CAMKMT: variants seen among roughly 807,000 people sequenced by gnomAD.
The protein encoded by CAMKMT is CaM KMT.
Under a neutral mutation model 48.0 loss-of-function variants are expected in CAMKMT, and 53 were observed. The observed-to-expected ratio is 1.10, with a 90% confidence interval of 0.89 to 1.39. The LOEUF (loss-of-function observed/expected upper bound fraction) is 1.39. CAMKMT is among the 40% of genes most tolerant of loss of function. CAMKMT has a pLI of 0.00. For synonymous variants in CAMKMT, 165 were observed against 152.3 expected (o/e 1.08, Z -0.61); for missense variants, 428 against 402.7 (o/e 1.06, Z -0.54).
intron 3 of CAMKMT, among the ~76,000 whole-genome samples, chr2:44,626,093 T>C (rs1358007588): frequency 1.3e-5 from 2 of 152,194 alleles, no homozygotes; most frequent in African/African-American, 4.8e-5. Context: ...ATTGAATTCA[T>C]AGATGAATTT....
intron 3 of CAMKMT, among the ~76,000 whole-genome samples, chr2:44,593,338 T>C (rs1007710175): frequency 2.6e-5 from 4 of 152,228 alleles, no homozygotes; most frequent in African/African-American, 4.8e-5. Flanking sequence ...TTTTCTCAGA[T>C]ACATGTGCTT....
chr2:44,681,024 C>G (rs1675990554), intron 3 of CAMKMT, among the ~76,000 whole-genome samples: 2 of 152,114 alleles, frequency 1.3e-5, no homozygotes. Flanking sequence ...GGAACTGCTC[C>G]AACATGTTAT....
chr2:44,401,659 C>G (rs1261097096), intron 3 of CAMKMT, among the ~76,000 whole-genome samples: 2 of 152,176 alleles, frequency 1.3e-5, no homozygotes, highest in Non-Finnish European at 2.9e-5. Context: ...GCTTGAATAA[C>G]TACATTAAAT....
At chr2:44,453,616 T>C (rs1403350491) in intron 3 of CAMKMT, among the ~76,000 whole-genome samples, 1 of 152,060 alleles carries the variant, frequency 6.6e-6, no homozygotes, top group Non-Finnish European at 1.5e-5. Context: ...ATGGATTCAG[T>C]TTGGTTTAAG....
At chr2:44,370,560 G>C (rs1475784347) in intron 1 of CAMKMT, among the ~76,000 whole-genome samples, 1 of 151,794 alleles carries the variant, frequency 6.6e-6, no homozygotes, top group Non-Finnish European at 1.5e-5. Context: ...GTCTTATTAA[G>C]GATTTATCAG....
At chr2:44,647,267 G>A (rs774997620) in intron 3 of CAMKMT, among the ~76,000 whole-genome samples, 3 of 152,218 alleles carry the variant, frequency 2.0e-5, no homozygotes, top group Middle Eastern at 3.4e-3. Context: ...TAGTTTCTTT[G>A]TTGTACCTTC....
intron 8 of CAMKMT, among the ~76,000 whole-genome samples, chr2:44,744,079 T>C (rs1321058981): frequency 6.6e-6 from 1 of 152,146 alleles, no homozygotes; most frequent in South Asian, 2.1e-4. Context: ...TTAGGAGAGA[T>C]CTGACTATTG....
At chr2:44,700,612 A>G (rs1677203518) in intron 3 of CAMKMT, among the ~76,000 whole-genome samples, 1 of 152,200 alleles carries the variant, frequency 6.6e-6, no homozygotes, top group Non-Finnish European at 1.5e-5. Flanking sequence ...GAACACACAC[A>G]AGATTTATTG....
intron 3 of CAMKMT, among the ~76,000 whole-genome samples, chr2:44,491,524 A>G (rs1017596034): frequency 6.6e-6 from 1 of 152,206 alleles, no homozygotes; most frequent in African/African-American, 2.4e-5. Context: ...ATTTTGGAAT[A>G]TTTTAAATGT....
chr2:44,534,417 A>G (rs1474541130), intron 3 of CAMKMT, among the ~76,000 whole-genome samples: 1 of 152,146 alleles, frequency 6.6e-6, no homozygotes, highest in East Asian at 1.9e-4. Flanking sequence ...ATTTTACCCA[A>G]CAGCTCCAGA....
At chr2:44,490,065 A>G (rs1399440551) in intron 3 of CAMKMT, among the ~76,000 whole-genome samples, 1 of 152,168 alleles carries the variant, frequency 6.6e-6, no homozygotes, top group Admixed American at 6.5e-5. Flanking sequence ...TGCATACCAG[A>G]TGCAACATCC....
At chr2:44,394,650 A>G (rs1681658271) in intron 3 of CAMKMT, among the ~76,000 whole-genome samples, 1 of 151,940 alleles carries the variant, frequency 6.6e-6, no homozygotes, top group African/African-American at 2.4e-5. Context: ...CTGGTCTCGA[A>G]CTGCTGACCT....
At chr2:44,661,617 T>C (rs760724809) in intron 3 of CAMKMT, among the ~76,000 whole-genome samples, 1 of 152,218 alleles carries the variant, frequency 6.6e-6, no homozygotes, top group Non-Finnish European at 1.5e-5. Flanking sequence ...TTCAGTGTGA[T>C]AGAATCTCCG....
At chr2:44,453,641 G>A (rs1218418196) in intron 3 of CAMKMT, among the ~76,000 whole-genome samples, 3 of 152,178 alleles carry the variant, frequency 2.0e-5, no homozygotes, top group Non-Finnish European at 4.4e-5. Flanking sequence ...TTTGTATCAT[G>A]TAGTTTATAG....
At chr2:44,639,293 G>A (rs932004455) in intron 3 of CAMKMT, among the ~76,000 whole-genome samples, 6 of 152,216 alleles carry the variant, frequency 3.9e-5, no homozygotes, top group Non-Finnish European at 8.8e-5. Flanking sequence ...AATATGACCA[G>A]ATTATGGTTT....
intron 3 of CAMKMT, among the ~76,000 whole-genome samples, chr2:44,491,587 A>C (rs1417437180): frequency 6.6e-6 from 1 of 152,236 alleles, no homozygotes; most frequent in Non-Finnish European, 1.5e-5. Flanking sequence ...TGAGCTATTC[A>C]TAGGATAGTT....
At chr2:44,604,379 C>T (rs2103869815) in intron 3 of CAMKMT, among the ~76,000 whole-genome samples, 1 of 152,224 alleles carries the variant, frequency 6.6e-6, no homozygotes, top group African/African-American at 2.4e-5. Flanking sequence ...TTCTGACCAT[C>T]CTTTATCATA....
chr2:44,509,843 A>G (rs557177229), intron 3 of CAMKMT, among the ~76,000 whole-genome samples: 4 of 152,274 alleles, frequency 2.6e-5, no homozygotes, highest in African/African-American at 7.2e-5. Flanking sequence ...CTTCTGTGCT[A>G]TGTTACAACG....
At chr2:44,593,538 T>C (rs1203318527) in intron 3 of CAMKMT, among the ~76,000 whole-genome samples, 1 of 152,180 alleles carries the variant, frequency 6.6e-6, no homozygotes, top group African/African-American at 2.4e-5. Flanking sequence ...GCCCGGAATC[T>C]CTCTTAAACT....
Sources: allele counts gnomAD v4.1 joint callset (sites outside exome capture counted in the v4.1 genomes callset), GRCh38; gene constraint gnomAD v4.1.1; transcripts MANE v1.5; gene names NCBI Gene and HGNC (gene_info 2026-07-23, HGNC 2026-07-21).